The following PCDH15 variants were observed in gnomAD, a reference collection of about 807,000 sequenced individuals.
PCDH15 encodes protocadherin related 15.
A neutral mutation model predicts 178.5 loss-of-function variants in PCDH15; 129 were observed. The observed-to-expected ratio is 0.72, with a 90% CI of 0.63 to 0.84. The LOEUF is 0.84. Among genes scored for constraint, PCDH15 ranks in the 40% least tolerant of loss-of-function variants. PCDH15 has a pLI of 0.00. For missense variants in PCDH15, 2,230 were observed against 2,099.9 expected (o/e 1.06, Z -1.21); for synonymous variants, 800 against 732.0 (o/e 1.09, Z -1.50).
chr10:55,158,867 G>T (rs1838973974), intron 2 of PCDH15, among the ~76,000 whole-genome samples: 1 of 115,460 alleles, frequency 8.7e-6, no homozygotes, highest in African/African-American at 2.8e-5. Flanking sequence ...CAGAAAGAAA[G>T]GGAGAGAGGG....
intron 21 of PCDH15, among the ~76,000 whole-genome samples, chr10:53,979,818 GCAGA>G (rs1221794444): frequency 6.6e-6 from 1 of 152,202 alleles, no homozygotes; most frequent in African/African-American, 2.4e-5. Context: ...AAAACTCACT[GCAGA>G]CACTCACAAA....
chr10:55,233,049 G>A (rs1347964186), intron 1 of PCDH15, among the ~76,000 whole-genome samples: 1 of 109,688 alleles, frequency 9.1e-6, no homozygotes. Context: ...CTAATACACA[G>A]ATATTTGGAG....
intron 1 of PCDH15, among the ~76,000 whole-genome samples, chr10:54,796,220 CATT>C (rs1403972336): frequency 7.8e-6 from 1 of 128,924 alleles, no homozygotes; most frequent in Admixed American, 7.9e-5. Context: ...TGTCTTTCTA[CATT>C]ATCTATCTAT....
rs565255632 is a variant in PCDH15 at position 54,165,851 on chromosome 10, A to G, written c.1591-12558T>C. 1.4e-3 allele frequency among the ~76,000 whole-genome samples: 210 copies of G among 152,332 alleles called. 3 individuals carry two copies. The highest frequency in any genetic ancestry group is 3.4e-3 in the Middle Eastern group (1 of 294). On this transcript the variant is annotated intron_variant, in intron 13 of 37. Transcript: ENST00000644397. The stretch of plus-strand genomic sequence containing the variant: ...TGTACCAAATGTCTGACTCCGAAAA[A>G]TGAAGAGTGGAAAAGAAACAGAAAC...
intron 8 of PCDH15, among the ~76,000 whole-genome samples, chr10:54,264,818 C>T (rs998917845): frequency 1.2e-4 from 19 of 152,010 alleles, no homozygotes; most frequent in African/African-American, 4.6e-4. Context: ...GAAAAAATAA[C>T]CAACTTGGAA....
chr10:54,379,787 T>C (rs1948955957), intron 3 of PCDH15, among the ~76,000 whole-genome samples: 1 of 152,030 alleles, frequency 6.6e-6, no homozygotes, highest in Non-Finnish European at 1.5e-5. Context: ...GAGCAATCAT[T>C]TTCAACCGAT....
intron 2 of PCDH15, among the ~76,000 whole-genome samples, chr10:55,026,484 C>G (rs1840478308): frequency 6.6e-6 from 1 of 151,920 alleles, no homozygotes; most frequent in Non-Finnish European, 1.5e-5. Flanking sequence ...GCTGGCTTAA[C>G]TACATATTCA....
chr10:55,062,966 C>A (rs1187340815), intron 2 of PCDH15, among the ~76,000 whole-genome samples: 22 of 151,994 alleles, frequency 1.4e-4, no homozygotes, highest in Non-Finnish European at 2.2e-4. Context: ...ATGTGAATTG[C>A]CTCATTTATC....
At chr10:53,818,245 G>A (rs964111329) in intron 33 of PCDH15, 3 of 346,054 alleles carry the variant, frequency 8.7e-6, no homozygotes, top group Admixed American at 9.5e-5. Context: ...CGTTCCATAT[G>A]AGCAACAAAA....
intron 10 of PCDH15, among the ~76,000 whole-genome samples, chr10:54,200,212 A>G (rs919027483): frequency 3.3e-5 from 5 of 151,396 alleles, no homozygotes; most frequent in Non-Finnish European, 5.9e-5. Flanking sequence ...AAATTCTAGG[A>G]TAGAAGAAAG....
intron 6 of PCDH15, among the ~76,000 whole-genome samples, chr10:54,343,262 T>A (rs1021567698): frequency 6.6e-6 from 1 of 152,062 alleles, no homozygotes; most frequent in African/African-American, 2.4e-5. Context: ...ATGGGGCAGT[T>A]TTCCCCCTGC....
chr10:54,581,620 G>A (rs1014437521), intron 2 of PCDH15, among the ~76,000 whole-genome samples: 3 of 152,008 alleles, frequency 2.0e-5, no homozygotes, highest in South Asian at 4.2e-4. Flanking sequence ...ATAGCTAAAG[G>A]AAGGTAAACA....
chr10:53,963,832 T>C (rs1259303718), intron 21 of PCDH15, among the ~76,000 whole-genome samples: 1 of 152,248 alleles, frequency 6.6e-6, no homozygotes, highest in East Asian at 1.9e-4. Flanking sequence ...ATCCTCTGTG[T>C]TTTCTGTAGT....
At chr10:54,623,783 C>A (rs1191932347) in intron 2 of PCDH15, among the ~76,000 whole-genome samples, 2 of 151,982 alleles carry the variant, frequency 1.3e-5, no homozygotes, top group Non-Finnish European at 2.9e-5. Flanking sequence ...ATGAGCAATT[C>A]TCTGTAAAAG....
intron 15 of PCDH15, among the ~76,000 whole-genome samples, chr10:54,124,435 A>T (rs2041821319): frequency 6.6e-6 from 1 of 152,010 alleles, no homozygotes; most frequent in South Asian, 2.1e-4. Flanking sequence ...CAAAAATGTG[A>T]ATGTACTTAA....
At chr10:54,641,853 C>T (rs953564525) in intron 2 of PCDH15, among the ~76,000 whole-genome samples, 5 of 151,398 alleles carry the variant, frequency 3.3e-5, no homozygotes, top group Non-Finnish European at 5.9e-5. Flanking sequence ...TGCCCCCTTC[C>T]CCTGCCCCCA....
chr10:55,392,064 G>A (rs1837806529), intron 2 of PCDH15, among the ~76,000 whole-genome samples: 1 of 152,146 alleles, frequency 6.6e-6, no homozygotes, highest in South Asian at 2.1e-4. Flanking sequence ...GAGTCTTGGT[G>A]CAATCAGAAC....
chr10:54,361,168 C>G (rs1420038530), intron 5 of PCDH15, among the ~76,000 whole-genome samples: 1 of 151,978 alleles, frequency 6.6e-6, no homozygotes, highest in African/African-American at 2.4e-5. Flanking sequence ...CTAATTGACC[C>G]TGTAAAACCC....
chr10:55,098,295 A>G (rs1417317632), intron 2 of PCDH15, among the ~76,000 whole-genome samples: 1 of 152,184 alleles, frequency 6.6e-6, no homozygotes, highest in African/African-American at 2.4e-5. Flanking sequence ...ATTAAATGGA[A>G]GAACCAGAAT....
Sources: gnomAD v4.1 joint callset for allele counts (sites outside exome capture counted in the v4.1 genomes callset) on GRCh38, gnomAD v4.1.1 for gene constraint, MANE v1.5 for transcripts, NCBI Gene and HGNC (gene_info 2026-07-23, HGNC 2026-07-21) for gene names.